APLF: variants seen among roughly 807,000 people sequenced by gnomAD.
The protein encoded by APLF is aprataxin and PNKP like factor.
In APLF, 61 loss-of-function variants were observed where a neutral mutation model predicts 55.6. The observed-to-expected ratio is 1.10, with a 90% CI of 0.89 to 1.36. The LOEUF (loss-of-function observed/expected upper bound fraction) is 1.36. APLF is among the 40% of genes most tolerant of loss of function. The pLI is 0.00. For missense variants in APLF, 611 were observed against 602.5 expected, an observed-to-expected ratio of 1.01 and a Z score of -0.15; for synonymous variants, 207 against 214.8, an observed-to-expected ratio of 0.96 and a Z score of 0.32.
chr2:68,482,774 G>C (rs572336834), intron 1 of APLF, among the ~76,000 whole-genome samples: 1 of 152,150 alleles, frequency 6.6e-6, no homozygotes, highest in African/African-American at 2.4e-5. Context: ...TCATTTGGGG[G>C]TATGGACACA....
At chr2:68,467,910 G>A (rs1011551087) in intron 1 of APLF, 83 bp downstream of exon 1, 4 of 1,096,100 alleles carry the variant, frequency 3.6e-6, no homozygotes, top group Non-Finnish European at 2.3e-6. Context: ...AGTCCTGGCC[G>A]GTTTCCCCAC....
rs187836199 is a variant in APLF, at chr2:68,509,661, G to A, written c.342-3419G>A. On this transcript the variant is annotated intron_variant, in intron 3 of 9. Transcript: ENST00000303795. ...CAACCACTGTGGAAGACAATGTGGC[G>A]ATTCCTCAGGGATCTAGAACTAGAA... 1.9e-4 allele frequency among the ~76,000 whole-genome samples: 29 copies of A among 152,198 alleles called. No homozygotes were observed. In the East Asian group the frequency reaches 4.4e-3, roughly 23 times the overall value.
chr2:68,532,948 G>A (rs1670296621), intron 6 of APLF, among the ~76,000 whole-genome samples: 2 of 152,168 alleles, frequency 1.3e-5, no homozygotes, highest in Admixed American at 1.3e-4. Context: ...TTGTGAAGCT[G>A]GATGCAGTGA....
At chr2:68,553,387 A>G (rs1314165608) in intron 8 of APLF, among the ~76,000 whole-genome samples, 3 of 152,080 alleles carry the variant, frequency 2.0e-5, no homozygotes, top group Non-Finnish European at 2.9e-5. Context: ...AACTAAACCA[A>G]TGTTCAGTTT....
chr2:68,518,396 A>G (rs1417170364), intron 5 of APLF, among the ~76,000 whole-genome samples: 1 of 99,078 alleles, frequency 1.0e-5, no homozygotes, highest in Non-Finnish European at 1.7e-5. Flanking sequence ...TTATTAATAT[A>G]TAACAATATA....
intron 7 of APLF, among the ~76,000 whole-genome samples, chr2:68,542,349 A>ACACAGAGTG (rs1670576781): frequency 6.7e-6 from 1 of 149,906 alleles, no homozygotes; most frequent in East Asian, 1.9e-4. Flanking sequence ...AACAAAATTA[A>ACACAGAGTG]CACAGAGTGA....
intron 8 of APLF, among the ~76,000 whole-genome samples, chr2:68,558,709 G>A (rs1671082679): frequency 6.6e-6 from 1 of 152,134 alleles, no homozygotes; most frequent in African/African-American, 2.4e-5. Flanking sequence ...CATTTGCCAT[G>A]ATGGTTTGCT....
chr2:68,489,964 T>G (rs1249024150), intron 1 of APLF, among the ~76,000 whole-genome samples: 2 of 152,210 alleles, frequency 1.3e-5, no homozygotes, highest in Non-Finnish European at 2.9e-5. Flanking sequence ...GATTCTAGGC[T>G]TGAGGCTCTG....
intron 5 of APLF, 51 bp downstream of exon 5, chr2:68,513,731 A>G: frequency 2.5e-6 from 4 of 1,585,898 alleles, no homozygotes; most frequent in Non-Finnish European, 2.6e-6. Context: ...ATTAAACAGA[A>G]TTTGAAAGCT....
intron 9 of APLF, among the ~76,000 whole-genome samples, chr2:68,573,959 T>C (rs1371707810): frequency 6.6e-6 from 1 of 151,926 alleles, no homozygotes; most frequent in Non-Finnish European, 1.5e-5. Flanking sequence ...CAGGTTCTCA[T>C]AGACAATCAA....
At chr2:68,517,409 CTATATATTACTATATATTAATATATCTA>C (rs1669643439) in intron 5 of APLF, among the ~76,000 whole-genome samples, 2 of 126,930 alleles carry the variant, frequency 1.6e-5, no homozygotes, top group African/African-American at 6.1e-5. Flanking sequence ...ATTAATATAT[CTATATATTACTATATATTAATATATCTA>C]TATATGTTAT....
At position 68,577,889 on chromosome 2, in the gene APLF, T is replaced by C. The variant is rs1347855442; in HGVS notation, c.1403T>C (p.Phe468Ser). Residue 468 changes from phenylalanine (F) to serine (S), a missense_variant, in exon 10 of 10, where the codon TTT (phenylalanine) becomes TCT (serine). Transcript: ENST00000303795. ...AATGAGTATGACCTGAACGACAGCT[T>C]TCTAGATGATGAGGAAGAAGACTAT... ...QPNEYDLNDS[F>S]LDDEEEDYEP... 2 of 1,613,448 alleles carry C rather than the reference T, an allele frequency of 1.2e-6. No individual in the cohort carries two copies. The highest frequency in any genetic ancestry group is 1.7e-6 in the Non-Finnish European group (2 of 1,179,696).
At position 68,529,311 on chromosome 2, in the gene APLF, A is replaced by G. The variant is rs2103989582; in HGVS notation, c.804+3069A>G. 4.4e-6 allele frequency: 6 copies of G among 1,375,272 alleles called. No individual in the cohort carries two copies. The highest frequency in any genetic ancestry group is 3.4e-5 in the South Asian group (2 of 58,068). The allele number at this position is 1,375,272 out of a possible 1,614,324, so 85.2% of individuals were successfully genotyped here. The stretch of plus-strand genomic sequence containing the variant: ...TGACGGTTGAAGAGGAGTGGGAAAC[A>G]GCCAAAGAGTCCTGGGGCAGGCACA... On this transcript the variant is annotated intron_variant, in intron 6 of 9. Coordinates refer to ENST00000303795, the MANE Select transcript of APLF (RefSeq NM_173545.3). The surrounding 1 kb of genome is among the most constrained non-coding windows in gnomAD (Gnocchi z 4.4).
At chr2:68,510,109 C>T (rs940557264) in intron 3 of APLF, among the ~76,000 whole-genome samples, 5 of 150,962 alleles carry the variant, frequency 3.3e-5, no homozygotes, top group Admixed American at 1.3e-4. Context: ...AGGAGATACA[C>T]CTAATGTAAA....
rs543126095 is a variant in APLF, at chr2:68,539,127, A to G, written c.1160+900A>G. Among the ~76,000 whole-genome samples the G allele has an allele frequency of 3.3e-5, 5 of 152,304 alleles. No homozygotes were observed. The South Asian group carries it at 1.0e-3, about 32-fold the overall frequency. ...GAATAACTCATATTTTAAAATTTGA[A>G]TAGTTCTGATTTATGCTTTTTGAAA... On this transcript the variant is annotated intron_variant, in intron 7 of 9. Coordinates refer to ENST00000303795, the MANE Select transcript of APLF (RefSeq NM_173545.3).
intron 5 of APLF, among the ~76,000 whole-genome samples, chr2:68,518,919 T>C (rs1292984736): frequency 8.0e-6 from 1 of 125,078 alleles, no homozygotes; most frequent in Non-Finnish European, 1.6e-5. Context: ...AAAATAATAA[T>C]ATATCATTAA....
intron 6 of APLF, chr2:68,535,308 T>C: frequency 2.3e-6 from 1 of 440,124 alleles, no homozygotes; most frequent in Non-Finnish European, 4.6e-6. Flanking sequence ...AATGGAAGTA[T>C]CAGAAGCATT....
Position 68,567,491 on chromosome 2 carries a change from T to C in APLF, c.1333+104T>C. 5.3e-6 allele frequency: 5 copies of C among 939,084 alleles called. No homozygotes were observed. In the South Asian group the frequency reaches 8.7e-5, roughly 16 times the overall value. The allele number at this position is 939,084 out of a possible 1,614,324, so 58.2% of individuals were successfully genotyped here. A position where few individuals can be genotyped will look rare whatever the true frequency, so the allele number is the denominator to read the frequency against. Reference sequence around the variant, plus strand: ...GAAAATATTTTAAAATCTCTGCTTCTGTGAATTTGTTGAATTGCTGATTTT... The same window carrying C: ...GAAAATATTTTAAAATCTCTGCTTCCGTGAATTTGTTGAATTGCTGATTTT... On this transcript the variant is annotated intron_variant, in intron 9 of 9. Transcript: ENST00000303795.
intron 6 of APLF, among the ~76,000 whole-genome samples, chr2:68,532,374 A>G (rs776966012): frequency 5.3e-5 from 8 of 152,228 alleles, no homozygotes; most frequent in Non-Finnish European, 7.3e-5. Context: ...ACTTATGCCC[A>G]ACTAGACCTT....
Sources: gnomAD v4.1 joint callset for allele counts (sites outside exome capture counted in the v4.1 genomes callset) on GRCh38, gnomAD v4.1.1 for gene constraint, Gnocchi (gnomAD v3.1) non-coding constraint, MANE v1.5 for transcripts, NCBI Gene and HGNC (gene_info 2026-07-23, HGNC 2026-07-21) for gene names.